The following NRXN1 variants were observed in gnomAD, a reference collection of about 807,000 sequenced individuals.
The protein encoded by NRXN1 is neurexin-1.
In NRXN1, 39 loss-of-function variants were observed where a neutral mutation model predicts 150.9. The ratio of observed to expected loss-of-function variants is 0.26; its 90% CI spans 0.20 to 0.34. The LOEUF (loss-of-function observed/expected upper bound fraction) is 0.34. NRXN1 is among the 10% of genes least tolerant of loss of function. The pLI is 1.00. For synonymous variants in NRXN1, 924 were observed against 757.0 expected (o/e 1.22, Z -3.62); for missense variants, 1,815 against 1,949.9 (o/e 0.93, Z 1.30).
chr2:50,871,841 AAC>A (rs1417966947), intron 5 of NRXN1, among the ~76,000 whole-genome samples: 1 of 151,854 alleles, frequency 6.6e-6, no homozygotes, highest in Non-Finnish European at 1.5e-5. Flanking sequence ...AAATATATTA[AAC>A]ACTCACTACA....
At chr2:50,415,464 C>CTGTG (rs964585521) in intron 17 of NRXN1, among the ~76,000 whole-genome samples, 94 of 152,232 alleles carry the variant, frequency 6.2e-4, no homozygotes, top group African/African-American at 2.1e-3. Flanking sequence ...TGATCAGAAG[C>CTGTG]TGTGATAAAG....
At position 50,653,716 on chromosome 2, in the gene NRXN1, T is replaced by C. The variant is rs77194612; in HGVS notation, c.833-30101A>G. On this transcript the variant is annotated intron_variant, in intron 5 of 22. Transcript: ENST00000401669. Reference sequence around the variant, plus strand: ...AATTGCGTGAAGTATTAGTATACCATAATCGTTCATAAATATATTGCTTTT... The same window carrying C: ...AATTGCGTGAAGTATTAGTATACCACAATCGTTCATAAATATATTGCTTTT... Among the ~76,000 whole-genome samples the C allele has an allele frequency of 2.6e-5, 4 of 152,162 alleles. No homozygotes were observed. The East Asian group carries it at 7.8e-4, about 30-fold the overall frequency.
chr2:49,940,769 TAGAA>T (rs1248922625), intron 22 of NRXN1, among the ~76,000 whole-genome samples: 1 of 152,106 alleles, frequency 6.6e-6, no homozygotes, highest in Non-Finnish European at 1.5e-5. Context: ...AAAGCTAATG[TAGAA>T]AGAGATTTAA....
At position 50,278,048 on chromosome 2, in the gene NRXN1, T is replaced by C. The variant is rs376020836; in HGVS notation, c.3365-41078A>G. 9.1e-4 allele frequency among the ~76,000 whole-genome samples: 121 copies of C among 132,402 alleles called. 1 individual carries two copies. The highest frequency in any genetic ancestry group is 3.3e-3 in the African/African-American group (115 of 34,658). 86.9% of individuals were successfully genotyped at this position (132,402 alleles called of 152,430 possible). A position where few individuals can be genotyped will look rare whatever the true frequency, so the allele number is the denominator to read the frequency against. On this transcript the variant is annotated intron_variant, in intron 17 of 22. Coordinates refer to ENST00000401669, the MANE Select transcript of NRXN1 (RefSeq NM_001330078.2). ...ATTGACCATAGATAGTGCTTTCTTA[T>C]CTTTTCCTTTCTCTCTCTCTTTTTT...
chr2:50,972,199 C>T (rs1435343801), intron 2 of NRXN1, among the ~76,000 whole-genome samples: 1 of 151,510 alleles, frequency 6.6e-6, no homozygotes, highest in East Asian at 1.9e-4. Flanking sequence ...TTTTATATGC[C>T]CATTTGGAAA....
chr2:50,645,979 A>C (rs1325664548), intron 5 of NRXN1, among the ~76,000 whole-genome samples: 2 of 151,930 alleles, frequency 1.3e-5, no homozygotes, highest in Admixed American at 6.6e-5. Context: ...ACAGATACTC[A>C]ACTGGCATGC....
At chr2:50,150,211 A>G (rs181418900) in intron 18 of NRXN1, among the ~76,000 whole-genome samples, 209 of 151,888 alleles carry the variant, frequency 1.4e-3, no homozygotes, top group African/African-American at 4.8e-3. Context: ...CCTTTTACTC[A>G]TTCATTTATC....
At chr2:50,472,759 G>A (rs1026615494) in intron 15 of NRXN1, among the ~76,000 whole-genome samples, 2 of 150,718 alleles carry the variant, frequency 1.3e-5, no homozygotes, top group Non-Finnish European at 3.0e-5. Context: ...CCCTTGCGTG[G>A]AAATCCAGGC....
intron 21 of NRXN1, among the ~76,000 whole-genome samples, chr2:49,992,834 A>C (rs1415083204): frequency 1.3e-5 from 2 of 152,184 alleles, no homozygotes; most frequent in Non-Finnish European, 2.9e-5. Context: ...CCATCAGGGA[A>C]ATGAAAATTA....
At chr2:49,952,382 T>A (rs937856264) in intron 21 of NRXN1, among the ~76,000 whole-genome samples, 1 of 152,086 alleles carries the variant, frequency 6.6e-6, no homozygotes, top group African/African-American at 2.4e-5. Context: ...CACCATTTGA[T>A]ATGGCAGCAC....
intron 19 of NRXN1, among the ~76,000 whole-genome samples, chr2:50,076,678 C>G (rs1307249198): frequency 6.6e-6 from 1 of 152,154 alleles, no homozygotes; most frequent in East Asian, 1.9e-4. Context: ...CTGGTTTGAT[C>G]ATTTGATGTG....
At chr2:50,162,726 A>G (rs1175942708) in intron 18 of NRXN1, among the ~76,000 whole-genome samples, 4 of 152,136 alleles carry the variant, frequency 2.6e-5, no homozygotes, top group Non-Finnish European at 4.4e-5. Context: ...TTAATCCAGT[A>G]GCAATTAATA....
At chr2:50,891,011 T>C (rs1331296606) in intron 5 of NRXN1, among the ~76,000 whole-genome samples, 1 of 152,004 alleles carries the variant, frequency 6.6e-6, no homozygotes, top group African/African-American at 2.4e-5. Context: ...AAAGCACATG[T>C]TTATACATGG....
chr2:50,215,028 C>T (rs17040241), intron 18 of NRXN1, among the ~76,000 whole-genome samples: 20,368 of 151,992 alleles, frequency 0.13, 1,582 homozygotes, highest in African/African-American at 0.21. Flanking sequence ...AGAAATGAGA[C>T]AGATGGCGGC....
At chr2:50,774,728 C>G (rs1245738098) in intron 5 of NRXN1, among the ~76,000 whole-genome samples, 2 of 152,098 alleles carry the variant, frequency 1.3e-5, no homozygotes, top group Non-Finnish European at 2.9e-5. Flanking sequence ...TTCAATGACT[C>G]AAGTTCTAGT....
intron 8 of NRXN1, among the ~76,000 whole-genome samples, chr2:50,570,552 T>C (rs1670516064): frequency 6.6e-6 from 1 of 152,142 alleles, no homozygotes; most frequent in Non-Finnish European, 1.5e-5. Flanking sequence ...AGTTAGCACT[T>C]TGTGTGAATC....
At chr2:50,726,578 G>A (rs1358646824) in intron 5 of NRXN1, among the ~76,000 whole-genome samples, 1 of 152,118 alleles carries the variant, frequency 6.6e-6, no homozygotes, top group Non-Finnish European at 1.5e-5. Flanking sequence ...TAAAAAACAG[G>A]TGCTATTATT....
At chr2:50,170,708 C>G (rs1193770176) in intron 18 of NRXN1, among the ~76,000 whole-genome samples, 4 of 148,180 alleles carry the variant, frequency 2.7e-5, no homozygotes, top group Non-Finnish European at 5.9e-5. Context: ...TGAAACACTT[C>G]CGGTTCAAGC....
At chr2:50,388,168 G>C (rs1014483668) in intron 17 of NRXN1, among the ~76,000 whole-genome samples, 1 of 152,122 alleles carries the variant, frequency 6.6e-6, no homozygotes, top group Non-Finnish European at 1.5e-5. Flanking sequence ...CTGGGGTGGG[G>C]AGTACAGGCA....
Sources: gnomAD v4.1 joint callset for allele counts (sites outside exome capture counted in the v4.1 genomes callset) on GRCh38, gnomAD v4.1.1 for gene constraint, MANE v1.5 for transcripts, NCBI Gene and HGNC (gene_info 2026-07-23, HGNC 2026-07-21) for gene names.